The following TLN2 variants were observed in gnomAD, a reference collection of about 807,000 sequenced individuals.
The protein encoded by TLN2 is talin-2.
Under a neutral mutation model 294.7 loss-of-function variants are expected in TLN2, and 118 were observed. That is an observed-to-expected ratio of 0.40 (90% CI 0.34 to 0.47). The LOEUF is 0.47. Among genes scored for constraint, TLN2 ranks in the 20% least tolerant of loss-of-function variants. TLN2 has a pLI of 0.84. For missense variants in TLN2, 3,083 were observed against 3,282.2 expected (o/e 0.94, Z 1.48); for synonymous variants, 1,431 against 1,304.5 (o/e 1.10, Z -2.09).
At chr15:62,594,298 C>G (rs577283005) in intron 2 of TLN2, among the ~76,000 whole-genome samples, 1 of 152,312 alleles carries the variant, frequency 6.6e-6, no homozygotes, top group African/African-American at 2.4e-5. Context: ...GCCTTGACCT[C>G]CTAGGCACAA....
At chr15:62,777,885 T>A (rs1346527084) in intron 43 of TLN2, among the ~76,000 whole-genome samples, 2 of 152,246 alleles carry the variant, frequency 1.3e-5, no homozygotes, top group Non-Finnish European at 2.9e-5. Context: ...CCCCAAAGAA[T>A]CCTTCATTAG....
chr15:62,839,345 A>C (rs1179265303), intron 58 of TLN2, among the ~76,000 whole-genome samples: 1 of 152,212 alleles, frequency 6.6e-6, no homozygotes, highest in African/African-American at 2.4e-5. Flanking sequence ...TGGACAATGT[A>C]GTATATATTT....
Position 62,820,479 on chromosome 15 carries a change from A to G in TLN2, c.6878-7A>G. The G allele has an allele frequency of 6.2e-7, 1 of 1,613,590 alleles. No individual in the cohort carries two copies. Among genetic ancestry groups the G allele is most frequent in the Non-Finnish European group, 8.5e-7 (1 of 1,179,708 alleles). On this transcript the variant is annotated splice_polypyrimidine_tract_variant and splice_region_variant and intron_variant, in intron 53 of 58. Coordinates refer to ENST00000636159, the MANE Select transcript of TLN2 (RefSeq NM_015059.3). ...TGAAGAATCACCTTCTTTTGGACTG[A>G]TTCTAGGAACAGAGTGGGTGGATCC...
chr15:62,827,402 G>T (rs959661367), intron 54 of TLN2, among the ~76,000 whole-genome samples: 5 of 152,208 alleles, frequency 3.3e-5, no homozygotes, highest in African/African-American at 1.2e-4. Flanking sequence ...TCTAAGAGAA[G>T]TTTAATTTGG....
intron 1 of TLN2, among the ~76,000 whole-genome samples, chr15:62,434,812 C>T (rs147252638): frequency 6.6e-6 from 1 of 152,116 alleles, no homozygotes; most frequent in Non-Finnish European, 1.5e-5. Context: ...GCAGGATATG[C>T]AGGTTTGTTA....
chr15:62,726,544 C>T lies in TLN2; in HGVS notation c.3256-543C>T, dbSNP rs75334496. ...CATTTTCATAATCTCATTTACCACT[C>T]CAACCCTCTATTTCTATTGCATTTC... On this transcript the variant is annotated intron_variant, in intron 27 of 58. Transcript: ENST00000636159. Among the ~76,000 whole-genome samples, 362 of 152,286 alleles carry T rather than the reference C, an allele frequency of 2.4e-3. 3 individuals carry two copies. The highest frequency in any genetic ancestry group is 8.0e-3 in the African/African-American group (332 of 41,554).
intron 1 of TLN2, among the ~76,000 whole-genome samples, chr15:62,505,246 T>C (rs1350071757): frequency 3.3e-5 from 5 of 152,154 alleles, no homozygotes; most frequent in Non-Finnish European, 7.3e-5. Flanking sequence ...CGTGAGCCAC[T>C]GTGCTCGGCC....
rs1466706806 is a variant in TLN2, at chr15:62,610,258, TTATATTC to T, written c.-161-8088_-161-8082del. Among the ~76,000 whole-genome samples the T allele has an allele frequency of 2.6e-5, 4 of 152,370 alleles. No homozygotes were observed. In the East Asian group the frequency reaches 7.7e-4, roughly 29 times the overall value. On this transcript the variant is annotated intron_variant, in intron 2 of 58. Coordinates refer to ENST00000636159, the MANE Select transcript of TLN2 (RefSeq NM_015059.3). Reference sequence around the variant, plus strand: ...TACAGTAATTATTTTATTACAGTAGTTATATTCTATAAAGTATCTTCAAATACTGAAT... The same window carrying T: ...TACAGTAATTATTTTATTACAGTAGTTATAAAGTATCTTCAAATACTGAAT...
intron 43 of TLN2, among the ~76,000 whole-genome samples, chr15:62,779,927 C>T (rs892722365): frequency 2.0e-5 from 3 of 152,338 alleles, no homozygotes; most frequent in Admixed American, 6.5e-5. Context: ...CATGCCTGCT[C>T]ATGACATATA....
chr15:62,457,910 G>A (rs1473605367), intron 1 of TLN2, among the ~76,000 whole-genome samples: 1 of 152,182 alleles, frequency 6.6e-6, no homozygotes, highest in Non-Finnish European at 1.5e-5. Context: ...TGTGTTGCTT[G>A]TCGTGACTTA....
intron 1 of TLN2, among the ~76,000 whole-genome samples, chr15:62,427,654 C>T (rs1416859215): frequency 6.6e-6 from 1 of 152,196 alleles, no homozygotes; most frequent in Non-Finnish European, 1.5e-5. Context: ...CTTTGCCCTC[C>T]AGACGATGCC....
chr15:62,492,338 C>G (rs557516088), intron 1 of TLN2, among the ~76,000 whole-genome samples: 7 of 151,860 alleles, frequency 4.6e-5, no homozygotes, highest in Admixed American at 2.6e-4. Flanking sequence ...GCGGGTGGAT[C>G]ACGAGGTCAG....
At chr15:62,712,306 C>G (rs930465145) in intron 22 of TLN2, among the ~76,000 whole-genome samples, 34 of 152,194 alleles carry the variant, frequency 2.2e-4, no homozygotes, top group African/African-American at 8.0e-4. Flanking sequence ...AAAGTGCCCT[C>G]TTTAGGGAGG....
At chr15:62,522,349 C>T (rs1317840103) in intron 1 of TLN2, among the ~76,000 whole-genome samples, 1 of 152,192 alleles carries the variant, frequency 6.6e-6, no homozygotes, top group Non-Finnish European at 1.5e-5. Flanking sequence ...GTTTGACAAA[C>T]TGTACAGTTC....
chr15:62,492,489 G>A (rs1016714843), intron 1 of TLN2, among the ~76,000 whole-genome samples: 7 of 145,816 alleles, frequency 4.8e-5, no homozygotes, highest in Non-Finnish European at 5.9e-5. Context: ...CCGGGAGGCA[G>A]AAGTTGCAGT....
Position 62,739,660 on chromosome 15 carries a change from T to C in TLN2, c.3885+115T>C, listed in dbSNP as rs2061212579. 3 of 1,288,138 alleles carry C rather than the reference T, an allele frequency of 2.3e-6. No homozygotes were observed. The East Asian group carries it at 7.3e-5, about 31-fold the overall frequency. The allele number at this position is 1,288,138 out of a possible 1,614,324, so 79.8% of individuals were successfully genotyped here. On this transcript the variant is annotated intron_variant, in intron 31 of 58. Transcript: ENST00000636159. ...AAGGAACCTGGAAACAGGCAGGCCATGGTTGCATTCTTTTTGCTGCTTAGG... is the reference window on the plus strand; with the variant it reads ...AAGGAACCTGGAAACAGGCAGGCCACGGTTGCATTCTTTTTGCTGCTTAGG...
intron 22 of TLN2, among the ~76,000 whole-genome samples, chr15:62,713,929 A>C (rs375725842): frequency 1.6e-5 from 2 of 125,204 alleles, no homozygotes; most frequent in Non-Finnish European, 3.6e-5. Context: ...GTGTGTGTGT[A>C]TGTGTGTGTG....
chr15:62,650,877 A>C (rs1001743745), intron 5 of TLN2, among the ~76,000 whole-genome samples: 2 of 152,128 alleles, frequency 1.3e-5, no homozygotes, highest in Non-Finnish European at 2.9e-5. Context: ...TGTAGTAAAC[A>C]AGTTACTTAA....
At chr15:62,726,844 A>AT (rs2060468495) in intron 27 of TLN2, among the ~76,000 whole-genome samples, 1 of 152,092 alleles carries the variant, frequency 6.6e-6, no homozygotes, top group South Asian at 2.1e-4. Context: ...AGGTTCAGTA[A>AT]TTTACTCAGT....
Sources: gnomAD v4.1 joint callset for allele counts (sites outside exome capture counted in the v4.1 genomes callset) on GRCh38, gnomAD v4.1.1 for gene constraint, MANE v1.5 for transcripts, NCBI Gene and HGNC (gene_info 2026-07-23, HGNC 2026-07-21) for gene names.